Variants in ROR1 observed in about 807,000 individuals in gnomAD.
ROR1 encodes ROR family WNT receptor 1.
ROR1 carries 19 observed loss-of-function variants against 78.8 expected under a neutral mutation model. The ratio of observed to expected loss-of-function variants is 0.24; its 90% CI spans 0.17 to 0.35. The LOEUF is 0.35. Ranked by LOEUF, ROR1 falls within the 10% of genes least tolerant of loss-of-function variation. ROR1 has a pLI of 1.00. For missense variants in ROR1, 917 were observed against 1,177.8 expected (o/e 0.78, Z 3.24); for synonymous variants, 386 against 433.6 (o/e 0.89, Z 1.36).
intron 4 of ROR1, among the ~76,000 whole-genome samples, chr1:64,058,055 T>G (rs1368941581): frequency 6.6e-6 from 1 of 152,218 alleles, no homozygotes; most frequent in African/African-American, 2.4e-5. Context: ...TCTCTTTTCT[T>G]AAGTTTATTC....
chr1:63,850,419 G>A (rs973261872), intron 1 of ROR1, among the ~76,000 whole-genome samples: 3 of 152,218 alleles, frequency 2.0e-5, no homozygotes, highest in African/African-American at 7.2e-5. Flanking sequence ...CATGTCTTCG[G>A]CTTCCCTAGG....
chr1:63,919,065 A>G (rs935667030), intron 1 of ROR1, among the ~76,000 whole-genome samples: 3 of 152,210 alleles, frequency 2.0e-5, no homozygotes, highest in Non-Finnish European at 4.4e-5. Context: ...CTAGAGGGTA[A>G]ATAACAGGAC....
intron 1 of ROR1, among the ~76,000 whole-genome samples, chr1:63,821,661 T>C (rs928331568): frequency 6.6e-6 from 1 of 152,120 alleles, no homozygotes; most frequent in Non-Finnish European, 1.5e-5. Context: ...GAATACCAGG[T>C]CCGTGGGTTT....
In ROR1 at chr1:63,774,324, C is replaced by T. The variant is rs943525800; in HGVS notation, c.-94C>T. 2 of 764,404 alleles carry T rather than the reference C, an allele frequency of 2.6e-6. No homozygotes were observed. The highest frequency in any genetic ancestry group is 1.8e-6 in the Non-Finnish European group (1 of 542,864). 47.4% of individuals were successfully genotyped at this position (764,404 alleles called of 1,614,324 possible). On this transcript the variant is annotated 5_prime_UTR_variant, in exon 1 of 9. Coordinates refer to ENST00000371079, the MANE Select transcript of ROR1 (RefSeq NM_005012.4). The surrounding 1 kb of genome is among the most constrained non-coding windows in gnomAD (Gnocchi z 5.7). ...CCCGGCGTCCTGCGAGCGCCAGCGG[C>T]CGGGACGAGGCGGCCGGGAGCCCGG...
Position 64,178,824 on chromosome 1 carries a change from A to C in ROR1, c.2783A>C (p.His928Pro), listed in dbSNP as rs1557686683. The C allele has an allele frequency of 6.2e-7, 1 of 1,613,668 alleles. No individual in the cohort carries two copies. Among genetic ancestry groups the C allele is most frequent in the East Asian group, 2.2e-5 (1 of 44,892 alleles). ...CTAGGAGACGCCAATATTCATGGAC[A>C]CACCGAATCTATGATTTCTGCAGAA... Reference protein sequence around the residue: ...SLLGDANIHGHTESMISAEL With the variant: ...SLLGDANIHGPTESMISAEL The change falls in exon 9 of 9, where the codon CAC becomes CCC. Residue 928 changes from histidine (H) to proline (P), a missense_variant. His to Pro is a moderately conservative substitution (Grantham distance 77). Coordinates refer to ENST00000371079, the MANE Select transcript of ROR1 (RefSeq NM_005012.4). This position sits in a 1 kb window ranked among gnomAD's most constrained non-coding sequence, Gnocchi z 4.3.
intron 1 of ROR1, among the ~76,000 whole-genome samples, chr1:63,876,740 C>T (rs1419757014): frequency 6.8e-6 from 1 of 147,952 alleles, no homozygotes; most frequent in Non-Finnish European, 1.5e-5. Context: ...TCTCTTTCTT[C>T]CTCTTCTTTT....
At chr1:64,075,081 C>T (rs181269343) in intron 4 of ROR1, among the ~76,000 whole-genome samples, 4 of 152,164 alleles carry the variant, frequency 2.6e-5, no homozygotes, top group East Asian at 3.9e-4. Context: ...TGGCTGAATC[C>T]GATTTGGGGT....
Position 64,049,931 on chromosome 1 carries a change from A to G in ROR1, c.404A>G (p.Asn135Ser), listed in dbSNP as rs2100591319. The G allele has an allele frequency of 6.2e-7, 1 of 1,614,054 alleles. No individual in the cohort carries two copies. Among genetic ancestry groups the G allele is most frequent in the East Asian group, 2.2e-5 (1 of 44,866 alleles). ...DTGYFQCVAT[N>S]GKEVVSSTGV... ...GGCTACTTCCAGTGCGTGGCAACAA[A>G]CGGCAAGGAGGTGGTTTCTTCCACT... Residue 135 changes from asparagine to serine, a missense_variant, in exon 3 of 9, where the codon AAC (asparagine) becomes AGC (serine). By Grantham distance (46) the Asn-to-Ser change is conservative. This residue lies in a region of ROR1 where 835 missense variants were observed against 1,069.8 expected (regional missense o/e 0.78). Transcript: ENST00000371079.
At chr1:63,882,011 A>G (rs1013789419) in intron 1 of ROR1, among the ~76,000 whole-genome samples, 8 of 152,176 alleles carry the variant, frequency 5.3e-5, no homozygotes, top group Non-Finnish European at 7.3e-5. Flanking sequence ...GTTAGGTACT[A>G]TAGGAGGGGA....
At chr1:64,014,496 G>C (rs1304858419) in intron 2 of ROR1, among the ~76,000 whole-genome samples, 1 of 150,878 alleles carries the variant, frequency 6.6e-6, no homozygotes, top group Non-Finnish European at 1.5e-5. Context: ...TTCCCCATAA[G>C]AGTGTTGGGG....
At chr1:63,873,404 A>G (rs1645264606) in intron 1 of ROR1, among the ~76,000 whole-genome samples, 1 of 152,198 alleles carries the variant, frequency 6.6e-6, no homozygotes, top group Admixed American at 6.5e-5. Context: ...CCCGTTCTTT[A>G]AAAAACAAAA....
chr1:63,815,473 C>CTTTTTTTTTTTTTTTT (rs1557510128), intron 1 of ROR1, among the ~76,000 whole-genome samples: 2 of 96,164 alleles, frequency 2.1e-5, no homozygotes, highest in African/African-American at 1.5e-4. Context: ...CTTTTCTTTT[C>CTTTTTTTTTTTTTTTT]TTTTCTTTTT....
chr1:64,116,453 A>G (rs950043951), intron 4 of ROR1, among the ~76,000 whole-genome samples: 2 of 152,168 alleles, frequency 1.3e-5, no homozygotes, highest in Non-Finnish European at 2.9e-5. Context: ...ATAAAAGAAT[A>G]CCCCTTTTTA....
chr1:64,079,274 C>T (rs1647078643), intron 4 of ROR1, among the ~76,000 whole-genome samples: 1 of 152,132 alleles, frequency 6.6e-6, no homozygotes, highest in African/African-American at 2.4e-5. Context: ...GAATAATCTG[C>T]CTCTTGAAGG....
chr1:63,939,852 C>T (rs532747643), intron 1 of ROR1, among the ~76,000 whole-genome samples: 1 of 152,302 alleles, frequency 6.6e-6, no homozygotes, highest in African/African-American at 2.4e-5. Context: ...CACAGACAAG[C>T]CTGCTACAAG....
At chr1:63,996,375 C>A (rs1293000012) in intron 1 of ROR1, among the ~76,000 whole-genome samples, 1 of 152,110 alleles carries the variant, frequency 6.6e-6, no homozygotes, top group Non-Finnish European at 1.5e-5. Context: ...ATTGATCTCC[C>A]CAGGCTATCA....
At chr1:64,100,888 G>A (rs1022832180) in intron 4 of ROR1, among the ~76,000 whole-genome samples, 12 of 152,194 alleles carry the variant, frequency 7.9e-5, no homozygotes, top group Admixed American at 2.6e-4. Flanking sequence ...CCATGGAATA[G>A]ATCGTTCATA....
At chr1:63,784,399 G>A (rs189607012) in intron 1 of ROR1, among the ~76,000 whole-genome samples, 1 of 152,214 alleles carries the variant, frequency 6.6e-6, no homozygotes, top group East Asian at 1.9e-4. Flanking sequence ...TTTCACTACT[G>A]TTTCACCAAA....
intron 1 of ROR1, among the ~76,000 whole-genome samples, chr1:63,913,864 T>C (rs1645589610): frequency 6.6e-6 from 1 of 152,180 alleles, no homozygotes; most frequent in Admixed American, 6.5e-5. Context: ...TGATGAGCAC[T>C]TTATTGTCTG....
Sources: allele counts gnomAD v4.1 joint callset (sites outside exome capture counted in the v4.1 genomes callset), GRCh38; gene constraint gnomAD v4.1.1; regional missense constraint gnomAD v4.1.1; non-coding constraint Gnocchi (gnomAD v3.1); transcripts MANE v1.5; gene names NCBI Gene and HGNC (gene_info 2026-07-23, HGNC 2026-07-21).